DOK3: variants seen among roughly 807,000 people sequenced by gnomAD.
DOK3 encodes docking protein 3.
In DOK3, 23 loss-of-function variants were observed where a neutral mutation model predicts 26.2. The ratio of observed to expected loss-of-function variants is 0.88; its 90% CI spans 0.63 to 1.24. DOK3 has a LOEUF of 1.24. DOK3 is among the 50% of genes most tolerant of loss of function. The pLI, the probability that DOK3 is intolerant of heterozygous loss-of-function variation, is 0.00. For missense variants in DOK3, 619 were observed against 610.6 expected, an observed-to-expected ratio of 1.01 and a Z score of -0.15; for synonymous variants, 268 against 268.2, an observed-to-expected ratio of 1.00 and a Z score of 0.01.
chr5:177,507,848 T>C (rs183545563), intron 3 of DOK3, among the ~76,000 whole-genome samples: 32 of 152,296 alleles, frequency 2.1e-4, no homozygotes, highest in African/African-American at 6.7e-4. Flanking sequence ...CTGCACTCCT[T>C]TCCTTCCAGC....
intron 2 of DOK3, 73 bp downstream of exon 2, chr5:177,509,402 A>T (rs1055718170): frequency 1.9e-5 from 30 of 1,542,582 alleles, no homozygotes; most frequent in Non-Finnish European, 2.4e-5. Flanking sequence ...GGGCTGTCCG[A>T]GGCAGGGGCA....
At chr5:177,509,691 C>T (rs753328182) in intron 1 of DOK3, 34 bp from the exon 2 acceptor site, 1 of 1,602,092 alleles carries the variant, frequency 6.2e-7, no homozygotes, top group Non-Finnish European at 8.5e-7. Context: ...CTGTCTTCAG[C>T]TCAGGGGCTG....
intron 1 of DOK3, 40 bp downstream of exon 1, chr5:177,509,718 C>T (rs1470051953): frequency 1.2e-6 from 2 of 1,609,312 alleles, no homozygotes; most frequent in African/African-American, 2.7e-5. Context: ...GCATGTATTT[C>T]CTCCCTGGGG....
In DOK3 at chr5:177,504,598, G is replaced by A. The variant is rs1012398034; in HGVS notation, c.708C>T (p.Ser236=). The A allele has an allele frequency of 1.8e-5, 29 of 1,609,542 alleles. 1 individual carries two copies. The highest frequency in any genetic ancestry group is 2.0e-5 in the Non-Finnish European group (24 of 1,178,916). The change falls in exon 6 of 6, where the codon AGC becomes AGT. Residue 236 remains serine, a synonymous_variant. Coordinates refer to ENST00000510898, the MANE Select transcript of DOK3 (RefSeq NM_001308236.3). ...TGCACAGGTCAGGGGCACAGGGGGT[G>A]CTGAAGGCAAAGAGGCCCTCACCCG... The part of the protein sequence containing the change: ...CHSGEGLFAF[S]TPCAPDLCRA...
rs148416579 is a variant in DOK3 at position 177,508,333 on chromosome 5, G to A, written c.276C>T (p.Thr92=). The change falls in exon 3 of 6, where the codon ACC becomes ACT. Residue 92 remains threonine (T), a synonymous_variant. Transcript: ENST00000510898. ...PADGESCPRD[T]GAFLLTTTER... ...CGGTGGTGGTGAGCAGGAAGGCACC[G>A]GTGTCCCGGGGGCAGCTCTCGCCGT... 1.2e-3 allele frequency: 1,993 copies of A among 1,595,650 alleles called. 11 individuals are homozygous for A. The highest frequency in any genetic ancestry group is 7.6e-3 in the South Asian group (681 of 89,928).
rs1303922769 is a variant in DOK3, at chr5:177,504,386, T to C, written c.920A>G (p.Gln307Arg). ...RKMHLAEPGP[Q>R]SLPLLLGPEP... Reference sequence around the variant, plus strand: ...CGGGCCTAGCAGTAGCGGCAGGCTCTGGGGTCCGGGCTCGGCCAGGTGCAT... The same window carrying C: ...CGGGCCTAGCAGTAGCGGCAGGCTCCGGGGTCCGGGCTCGGCCAGGTGCAT... The change falls in exon 6 of 6, where the codon CAG becomes CGG. Residue 307 changes from glutamine to arginine, a missense_variant. Gln to Arg is a conservative substitution (Grantham distance 43, BLOSUM62 1). Coordinates refer to ENST00000510898, the MANE Select transcript of DOK3 (RefSeq NM_001308236.3). 6.4e-7 allele frequency: 1 copy of C among 1,567,436 alleles called. No homozygotes were observed. The highest frequency in any genetic ancestry group is 8.7e-7 in the Non-Finnish European group (1 of 1,155,752).
At chr5:177,510,350 G>T, upstream of DOK3, 1 of 168,956 alleles carries the variant, frequency 5.9e-6, no homozygotes, top group Non-Finnish European at 1.3e-5. Context: ...AGGCCCTCAC[G>T]GTATACACTC....
intron 3 of DOK3, 92 bp downstream of exon 3, chr5:177,508,145 G>A (rs1045770050): frequency 7.4e-7 from 1 of 1,357,954 alleles, no homozygotes; most frequent in South Asian, 1.6e-5. Flanking sequence ...GGTGCTCGGT[G>A]GAGCTTGCTG....
At position 177,502,971 on chromosome 5, in the gene DOK3, A is replaced by C; in HGVS notation, c.*1012T>G. The C allele has an allele frequency of 1.5e-6, 2 of 1,315,956 alleles. No individual in the cohort carries two copies. The highest frequency in any genetic ancestry group is 1.5e-5 in the South Asian group (1 of 68,016). 81.5% of individuals were successfully genotyped at this position (1,315,956 alleles called of 1,614,324 possible). A position where few individuals can be genotyped will look rare whatever the true frequency, so the allele number is the denominator to read the frequency against. On this transcript the variant is annotated 3_prime_UTR_variant, in exon 6 of 6. Coordinates refer to ENST00000510898, the MANE Select transcript of DOK3 (RefSeq NM_001308236.3). ...GGCCGCACTAAAGGAAGTGAGCTGGAAGGAGGTGGCGGCCAGAGGATGAGG... is the reference window on the plus strand; with the variant it reads ...GGCCGCACTAAAGGAAGTGAGCTGGCAGGAGGTGGCGGCCAGAGGATGAGG...
intron 3 of DOK3, among the ~76,000 whole-genome samples, chr5:177,506,936 T>G (rs1760263037): frequency 6.6e-6 from 1 of 152,172 alleles, no homozygotes; most frequent in African/African-American, 2.4e-5. Flanking sequence ...TCCGCCCGCC[T>G]CGGCCTCCCA....
Position 177,502,358 on chromosome 5 carries a change from G to T in DOK3, c.*1625C>A, listed in dbSNP as rs1759433477. 6.6e-6 allele frequency: 1 copy of T among 152,312 alleles called. No individual in the cohort carries two copies. The highest frequency in any genetic ancestry group is 1.5e-5 in the Non-Finnish European group (1 of 68,086). The allele number at this position is 152,312 out of a possible 1,614,324, so 9.4% of individuals were successfully genotyped here. Reference sequence around the variant, plus strand: ...GCCGAAGAGGAATGTGAGGTCAAGGGAAGGTTTAAAATGTGAAATTACAGA... The same window carrying T: ...GCCGAAGAGGAATGTGAGGTCAAGGTAAGGTTTAAAATGTGAAATTACAGA... On this transcript the variant is annotated 3_prime_UTR_variant, in exon 6 of 6. Transcript: ENST00000510898.
Position 177,502,773 on chromosome 5 carries a change from A to G in DOK3, c.*1210T>C. 1 of 467,044 alleles carries G rather than the reference A, an allele frequency of 2.1e-6. No homozygotes were observed. 28.9% of individuals were successfully genotyped at this position (467,044 alleles called of 1,614,324 possible). On this transcript the variant is annotated 3_prime_UTR_variant, in exon 6 of 6. Transcript: ENST00000510898. ...TGGCTGTGGGCAGCTGTGTGCAGGC[A>G]CTGAGGAGGTCTGGGCTCGCCCAAG...
In DOK3 at chr5:177,503,112, T is replaced by C. The variant is rs73349179; in HGVS notation, c.*871A>G. The C allele has an allele frequency of 2.4e-3, 3,649 of 1,551,386 alleles. 65 individuals are homozygous for C. The African/African-American group carries it at 0.043, about 18-fold the overall frequency. Reference sequence around the variant, plus strand: ...GTGAGGGGCTGGGCAGTCAGAGCCCTGGAGGCATGACGCTTGCGTGCGTGG... The same window carrying C: ...GTGAGGGGCTGGGCAGTCAGAGCCCCGGAGGCATGACGCTTGCGTGCGTGG... On this transcript the variant is annotated 3_prime_UTR_variant, in exon 6 of 6. Transcript: ENST00000510898.
Position 177,503,562 on chromosome 5 carries a change from C to G in DOK3, c.*421G>C. The G allele has an allele frequency of 2.2e-6, 3 of 1,340,482 alleles. No individual in the cohort carries two copies. Among genetic ancestry groups the G allele is most frequent in the Non-Finnish European group, 2.0e-6 (2 of 1,016,072 alleles). The allele number at this position is 1,340,482 out of a possible 1,614,324, so 83.0% of individuals were successfully genotyped here. ...TGAGTCTGACAAGTAAGCCTCACAG[C>G]TCCCTCCGCCTGCCTCTTCGTGTCA... On this transcript the variant is annotated 3_prime_UTR_variant, in exon 6 of 6. Transcript: ENST00000510898.
chr5:177,504,131 G>GT lies in DOK3; in HGVS notation c.1174dup (p.Thr392AsnfsTer22). ...CAGCCGCCGGTACTGGGCCTCCAGG[G>GT]TACTGTCGTTGGCCGGGCCGGGCCA... is the stretch of plus-strand genomic sequence containing the variant. On this transcript the variant is annotated frameshift_variant, in exon 6 of 6. Coordinates refer to ENST00000510898, the MANE Select transcript of DOK3 (RefSeq NM_001308236.3). LOFTEE classifies it low-confidence loss of function (END_TRUNC). 1 of 1,613,876 alleles carries GT rather than the reference G, an allele frequency of 6.2e-7. No homozygotes were observed. The highest frequency in any genetic ancestry group is 8.5e-7 in the Non-Finnish European group (1 of 1,179,898).
Position 177,505,066 on chromosome 5 carries a change from G to A in DOK3, c.417C>T (p.Pro139=). 6.2e-7 allele frequency: 1 copy of A among 1,612,246 alleles called. No individual in the cohort carries two copies. The highest frequency in any genetic ancestry group is 8.5e-7 in the Non-Finnish European group (1 of 1,179,360). ...ASSGSTDAQS[P]KRGLVPMEEN... The stretch of plus-strand genomic sequence containing the variant: ...CCTCCATGGGGACCAGGCCCCTCTT[G>A]GGAGACTGGGCATCTGTGGATCCTG... Residue 139 remains proline, a synonymous_variant, in exon 4 of 6, where the codon CCC becomes CCT. Coordinates refer to ENST00000510898, the MANE Select transcript of DOK3 (RefSeq NM_001308236.3).
rs1390087917 is a variant in DOK3, at chr5:177,503,149, G to A, written c.*834C>T. ...GCTTGCGTGCGTGGCTGGCTCCTAG[G>A]ATGGCGCCAGGAGCAGGAGCAGAGG... On this transcript the variant is annotated 3_prime_UTR_variant, in exon 6 of 6. Coordinates refer to ENST00000510898, the MANE Select transcript of DOK3 (RefSeq NM_001308236.3). 1.2e-5 allele frequency: 18 copies of A among 1,537,908 alleles called. No individual in the cohort carries two copies. Among genetic ancestry groups the A allele is most frequent in the Non-Finnish European group, 8.8e-7 (1 of 1,141,882 alleles).
At position 177,506,929 on chromosome 5, in the gene DOK3, G is replaced by A. The variant is rs971932230; in HGVS notation, c.372+1308C>T. On this transcript the variant is annotated intron_variant, in intron 3 of 5. Coordinates refer to ENST00000510898, the MANE Select transcript of DOK3 (RefSeq NM_001308236.3). ...TCGAACTTCTGACCTCAGGTGATCC[G>A]CCCGCCTCGGCCTCCCAAAGTGCTG... Among the ~76,000 whole-genome samples the A allele has an allele frequency of 2.0e-4, 30 of 151,914 alleles. 1 individual carries two copies. Among genetic ancestry groups the A allele is most frequent in the East Asian group, 1.2e-3 (6 of 5,162 alleles).
chr5:177,506,899 T>TG (rs1760255174), intron 3 of DOK3, among the ~76,000 whole-genome samples: 1 of 151,776 alleles, frequency 6.6e-6, no homozygotes, highest in Non-Finnish European at 1.5e-5. Flanking sequence ...ATGTTGAGGC[T>TG]GGTCTCGAAC....
Sources: gnomAD v4.1 joint callset for allele counts (sites outside exome capture counted in the v4.1 genomes callset) on GRCh38, gnomAD v4.1.1 for gene constraint, MANE v1.5 for transcripts, NCBI Gene and HGNC (gene_info 2026-07-23, HGNC 2026-07-21) for gene names.